The following PNPLA8 variants were observed in gnomAD, a reference collection of about 807,000 sequenced individuals.
PNPLA8 encodes patatin like domain 8, phospholipase A2.
PNPLA8 carries 39 observed loss-of-function variants against 76.9 expected under a neutral mutation model. That is an observed-to-expected ratio of 0.51 (90% CI 0.39 to 0.66). The LOEUF is 0.66. PNPLA8 is among the 30% of genes least tolerant of loss of function. The pLI, the probability that PNPLA8 is intolerant of heterozygous loss-of-function variation, is 0.00. For synonymous variants in PNPLA8, 301 were observed against 307.9 expected, an observed-to-expected ratio of 0.98 and a Z score of 0.24; for missense variants, 887 against 918.0, an observed-to-expected ratio of 0.97 and a Z score of 0.44.
At chr7:108,499,408 A>G (rs750457975) in intron 5 of PNPLA8, among the ~76,000 whole-genome samples, 5 of 152,252 alleles carry the variant, frequency 3.3e-5, no homozygotes, top group Non-Finnish European at 7.3e-5. Context: ...AGGTTCTCTT[A>G]TAACAAAGAA....
At chr7:108,482,262 G>A (rs1159670140) in intron 9 of PNPLA8, among the ~76,000 whole-genome samples, 1 of 152,104 alleles carries the variant, frequency 6.6e-6, no homozygotes, top group Non-Finnish European at 1.5e-5. Flanking sequence ...CCTGAGCCCA[G>A]GAGTTCAAGA....
intron 9 of PNPLA8, among the ~76,000 whole-genome samples, chr7:108,484,063 C>A (rs769734987): frequency 5.3e-5 from 8 of 151,828 alleles, no homozygotes; most frequent in Non-Finnish European, 1.2e-4. Context: ...TCAGAAAAGA[C>A]AAAAAAGGGA....
At chr7:108,528,151 C>T (rs1370057298), upstream of PNPLA8, 1 of 152,242 alleles carries the variant, frequency 6.6e-6, no homozygotes, top group African/African-American at 2.4e-5. Context: ...CTAGTTCAGG[C>T]TTTCATCCTT....
At chr7:108,502,998 A>C (rs752809241) in intron 4 of PNPLA8, among the ~76,000 whole-genome samples, 70 of 152,244 alleles carry the variant, frequency 4.6e-4, no homozygotes, top group Non-Finnish European at 5.7e-4. Context: ...TTAAGAGGCT[A>C]AAACTGATTC....
chr7:108,518,846 C>A (rs1382746361), intron 2 of PNPLA8, among the ~76,000 whole-genome samples: 2 of 150,676 alleles, frequency 1.3e-5, no homozygotes, highest in East Asian at 3.9e-4. Context: ...TATACATACA[C>A]ATATTGATTC....
Position 108,518,720 on chromosome 7 carries a change from AATATATATATATATATATATATATAT to A in PNPLA8, c.-84+2730_-84+2755del, listed in dbSNP as rs148834592. ...GTTCTATATAAGCTATATGCACATG[AATATATATATATATATATATATATAT>A]ATATATATATATACACACACACACA... On this transcript the variant is annotated intron_variant, in intron 2 of 10. Transcript: ENST00000257694. 7.0e-4 allele frequency among the ~76,000 whole-genome samples: 87 copies of A among 123,958 alleles called. 1 individual carries two copies. The East Asian group carries it at 0.019, about 27-fold the overall frequency. 81.3% of individuals were successfully genotyped at this position (123,958 alleles called of 152,430 possible).
chr7:108,487,761 G>T lies in PNPLA8; in HGVS notation c.1876C>A (p.Gln626Lys). The change falls in exon 9 of 11, where the codon CAA becomes AAA. Residue 626 changes from glutamine to lysine, a missense_variant and splice_region_variant. Coordinates refer to ENST00000257694, the MANE Select transcript of PNPLA8 (RefSeq NM_001256007.3). ...ATAAGACATACAAGTCAACTTACTT[G>T]ATGAAGATCATTTCCCAATGCATAT... Reference protein sequence around the residue: ...AEYALGNDLHQDGGLLLNNPS... With the variant: ...AEYALGNDLHKDGGLLLNNPS... 1.3e-6 allele frequency: 2 copies of T among 1,586,884 alleles called. No homozygotes were observed. Among genetic ancestry groups the T allele is most frequent in the South Asian group, 1.2e-5 (1 of 86,882 alleles).
chr7:108,505,994 A>C (rs1862392792), intron 4 of PNPLA8, among the ~76,000 whole-genome samples: 1 of 152,238 alleles, frequency 6.6e-6, no homozygotes. Flanking sequence ...ACCCTGGAAA[A>C]GATGCTGAAT....
chr7:108,520,125 T>A (rs961381219), intron 2 of PNPLA8, among the ~76,000 whole-genome samples: 1 of 152,192 alleles, frequency 6.6e-6, no homozygotes, highest in Non-Finnish European at 1.5e-5. Context: ...TGCACATTAA[T>A]AAATTTGTAT....
chr7:108,472,632 A>G lies in PNPLA8; in HGVS notation c.2118T>C (p.Tyr706=). The change falls in exon 11 of 11, where the codon TAT becomes TAC. Residue 706 remains tyrosine (Y), a synonymous_variant. Coordinates refer to ENST00000257694, the MANE Select transcript of PNPLA8 (RefSeq NM_001256007.3). The stretch of plus-strand genomic sequence containing the variant: ...CACACATTACAGGATTGAATCTAAA[A>G]TAGGTGTCAGGAGGTAACAGGCCAT... ...MLDGLLPPDT[Y]FRFNPVMCEN... is the part of the protein sequence containing the mutation. 3 of 1,599,476 alleles carry G rather than the reference A, an allele frequency of 1.9e-6. No homozygotes were observed. The highest frequency in any genetic ancestry group is 3.6e-5 in the Admixed American group (2 of 56,200).
rs1859579813 is a variant in PNPLA8 at position 108,470,662 on chromosome 7, AGTT to A, written c.*1736_*1738del. 6.6e-6 allele frequency: 1 copy of A among 152,134 alleles called. No homozygotes were observed. 9.4% of individuals were successfully genotyped at this position (152,134 alleles called of 1,614,324 possible). A position where few individuals can be genotyped will look rare whatever the true frequency, so the allele number is the denominator to read the frequency against. ...TATTTGTTTTTTTCTTGCATTTACA[AGTT>A]GTTCTTAGTTGCATGTTATTATGTA... is the stretch of plus-strand genomic sequence containing the variant. On this transcript the variant is annotated 3_prime_UTR_variant, in exon 11 of 11. Transcript: ENST00000257694.
intron 4 of PNPLA8, among the ~76,000 whole-genome samples, chr7:108,506,493 T>C (rs1311577799): frequency 1.3e-5 from 2 of 152,184 alleles, no homozygotes; most frequent in Non-Finnish European, 2.9e-5. Context: ...TGGCAGTATC[T>C]ACTAACGTTA....
chr7:108,506,617 C>A (rs1468670436), intron 4 of PNPLA8, among the ~76,000 whole-genome samples: 1 of 151,922 alleles, frequency 6.6e-6, no homozygotes, highest in African/African-American at 2.4e-5. Context: ...TAAATATTCC[C>A]AAACTGCAAA....
At position 108,489,771 on chromosome 7, in the gene PNPLA8, G is replaced by A. The variant is rs577072825; in HGVS notation, c.1683+1639C>T. Among the ~76,000 whole-genome samples the A allele has an allele frequency of 1.9e-4, 29 of 152,246 alleles. 1 individual carries two copies. In the East Asian group the frequency reaches 4.1e-3, roughly 21 times the overall value. Reference sequence around the variant, plus strand: ...GTTTGATTTTTCATGGTTACAGTTCGTTATCTGAGAATAAATACAAGCTGC... The same window carrying A: ...GTTTGATTTTTCATGGTTACAGTTCATTATCTGAGAATAAATACAAGCTGC... On this transcript the variant is annotated intron_variant, in intron 8 of 10. Coordinates refer to ENST00000257694, the MANE Select transcript of PNPLA8 (RefSeq NM_001256007.3).
rs552352037 is a variant in PNPLA8, at chr7:108,510,546, G to A, written c.1206+3598C>T. The A allele has an allele frequency of 4.5e-5, 63 of 1,403,052 alleles. No homozygotes were observed. The Middle Eastern group carries it at 1.1e-3, about 24-fold the overall frequency. The allele number at this position is 1,403,052 out of a possible 1,614,324, so 86.9% of individuals were successfully genotyped here. On this transcript the variant is annotated intron_variant, in intron 4 of 10. Transcript: ENST00000257694. ...ATCAGTGGCGTGAGCCCAAAGGTCC[G>A]AAAGGTGTTGCAGCTTCTTCGCCTT... is the stretch of plus-strand genomic sequence containing the variant.
At chr7:108,490,814 T>G (rs1174507225) in intron 8 of PNPLA8, among the ~76,000 whole-genome samples, 4 of 151,814 alleles carry the variant, frequency 2.6e-5, no homozygotes, top group Admixed American at 2.0e-4. Flanking sequence ...GTAAAAAATG[T>G]CATAATGTTC....
At chr7:108,498,740 T>A (rs898396866) in intron 5 of PNPLA8, among the ~76,000 whole-genome samples, 7 of 152,116 alleles carry the variant, frequency 4.6e-5, no homozygotes, top group African/African-American at 1.7e-4. Flanking sequence ...TGCGAAACGA[T>A]GAAAAAGCTT....
At chr7:108,526,928 C>G (rs918331601), upstream of PNPLA8, among the ~76,000 whole-genome samples, 11 of 152,216 alleles carry the variant, frequency 7.2e-5, no homozygotes, top group African/African-American at 2.7e-4. Context: ...ATATGACATT[C>G]ATATTTGTGT....
upstream of PNPLA8, chr7:108,526,218 C>T: frequency 2.3e-6 from 1 of 436,690 alleles, no homozygotes; most frequent in Non-Finnish European, 3.0e-6. Context: ...TTTGGGTCTA[C>T]CCGCGGGCCG....
Sources: allele counts gnomAD v4.1 joint callset (sites outside exome capture counted in the v4.1 genomes callset), GRCh38; gene constraint gnomAD v4.1.1; transcripts MANE v1.5; gene names NCBI Gene and HGNC (gene_info 2026-07-23, HGNC 2026-07-21).